TSEN54: variants seen among roughly 807,000 people sequenced by gnomAD.
TSEN54 encodes tRNA-splicing endonuclease subunit Sen54.
TSEN54 carries 55 observed loss-of-function variants against 61.9 expected under a neutral mutation model. The ratio of observed to expected loss-of-function variants is 0.89; its 90% CI spans 0.72 to 1.11. The LOEUF (loss-of-function observed/expected upper bound fraction) is 1.11. Ranked by LOEUF, TSEN54 falls within the 50% of genes most tolerant of loss-of-function variation. TSEN54 has a pLI of 0.00. For missense variants in TSEN54, 760 were observed against 687.7 expected (o/e 1.11, Z -1.18); for synonymous variants, 304 against 288.7 (o/e 1.05, Z -0.54).
chr17:75,516,837 G>A lies in TSEN54; in HGVS notation c.148G>A (p.Ala50Thr). The A allele has an allele frequency of 1.9e-6, 3 of 1,587,762 alleles. No individual in the cohort carries two copies. Among genetic ancestry groups the A allele is most frequent in the Middle Eastern group, 1.7e-4 (1 of 6,012 alleles). The change falls in exon 2 of 11, where the codon GCT (alanine) becomes ACT (threonine). Residue 50 changes from alanine to threonine, a missense_variant. By Grantham distance (58) the Ala-to-Thr change is moderately conservative (BLOSUM62 0). Transcript: ENST00000333213. ...GGACTTTCTGCCCGACGGCTCGGCA[G>A]CTCAGGCCGAGCGGCTGCGCCGGTG... is the stretch of plus-strand genomic sequence containing the variant. The part of the protein sequence containing the change: ...PKDFLPDGSA[A>T]QAERLRRCRE...
intron 2 of TSEN54, 45 bp from the exon 3 acceptor site, chr17:75,516,964 G>A: frequency 1.3e-6 from 2 of 1,548,270 alleles, no homozygotes; most frequent in Non-Finnish European, 1.7e-6. Flanking sequence ...GGGCCGCGGG[G>A]TCTCCGGAAT....
chr17:75,520,467 T>C (rs1266755612), intron 6 of TSEN54, among the ~76,000 whole-genome samples: 1 of 147,132 alleles, frequency 6.8e-6, no homozygotes, highest in Non-Finnish European at 1.5e-5. Flanking sequence ...GCGCCTATAG[T>C]CCCAGCTATT....
Position 75,522,102 on chromosome 17 carries a change from C to A in TSEN54, c.1021C>A (p.Leu341Met), listed in dbSNP as rs867700810. 1 of 1,582,444 alleles carries A rather than the reference C, an allele frequency of 6.3e-7. No homozygotes were observed. Among genetic ancestry groups the A allele is most frequent in the African/African-American group, 1.3e-5 (1 of 74,140 alleles). ...AGACGCTGAGTCCTGGTGCCAGAAG[C>A]TGAACCAGCGCAAGGAGAAGCTCTC... is the stretch of plus-strand genomic sequence containing the variant. ...ETDAESWCQK[L>M]NQRKEKLSRR... is the part of the protein sequence containing the mutation. Residue 341 changes from leucine (L) to methionine (M), a missense_variant, in exon 8 of 11, where the codon CTG becomes ATG. Transcript: ENST00000333213.
At chr17:75,520,848 C>T (rs538957186) in intron 6 of TSEN54, among the ~76,000 whole-genome samples, 15 of 151,196 alleles carry the variant, frequency 9.9e-5, no homozygotes, top group Non-Finnish European at 1.8e-4. Flanking sequence ...CGGTACTACT[C>T]GGGATGCTGA....
Position 75,517,411 on chromosome 17 carries a change from T to G in TSEN54, c.370-146T>G, listed in dbSNP as rs372425625. ...GAGCAGGGATTCCAGTCCACATTAGTGATGCTGCCCCACTTTCCTGGTTGG... is the reference window on the plus strand; with the variant it reads ...GAGCAGGGATTCCAGTCCACATTAGGGATGCTGCCCCACTTTCCTGGTTGG... On this transcript the variant is annotated intron_variant, in intron 4 of 10. Transcript: ENST00000333213. 9 of 1,133,598 alleles carry G rather than the reference T, an allele frequency of 7.9e-6. No homozygotes were observed. In the African/African-American group the frequency reaches 1.1e-4, roughly 13 times the overall value. The allele number at this position is 1,133,598 out of a possible 1,614,324, so 70.2% of individuals were successfully genotyped here. A position where few individuals can be genotyped will look rare whatever the true frequency, so the allele number is the denominator to read the frequency against.
chr17:75,516,581 C>G lies in TSEN54; in HGVS notation c.21C>G (p.Pro7=), dbSNP rs1598473098. Residue 7 remains proline (P), a synonymous_variant, in exon 1 of 11, where the codon CCC becomes CCG. Transcript: ENST00000333213. MEPEPE[P]AAVEVPAGRV... is the part of the protein sequence containing the mutation. ...GCGGGATGGAGCCCGAGCCCGAGCCCGCGGCCGTGGAGGTTCCCGCGGGGC... is the reference window on the plus strand; with the variant it reads ...GCGGGATGGAGCCCGAGCCCGAGCCGGCGGCCGTGGAGGTTCCCGCGGGGC... 1 of 1,156,412 alleles carries G rather than the reference C, an allele frequency of 8.6e-7. No homozygotes were observed. Among genetic ancestry groups the G allele is most frequent in the Admixed American group, 4.8e-5 (1 of 20,938 alleles). The allele number at this position is 1,156,412 out of a possible 1,614,324, so 71.6% of individuals were successfully genotyped here.
rs769009795 is a variant in TSEN54, at chr17:75,524,509, C to G, written c.*97C>G. ...CTGCCTCCTGTACCCAGACTCTAACCTGTAGCTTCAGAGGCCAGTCTGGGC... is the reference window on the plus strand; with the variant it reads ...CTGCCTCCTGTACCCAGACTCTAACGTGTAGCTTCAGAGGCCAGTCTGGGC... On this transcript the variant is annotated 3_prime_UTR_variant, in exon 11 of 11. Coordinates refer to ENST00000333213, the MANE Select transcript of TSEN54 (RefSeq NM_207346.3). 2.7e-5 allele frequency: 40 copies of G among 1,503,834 alleles called. No homozygotes were observed. The highest frequency in any genetic ancestry group is 3.4e-5 in the Non-Finnish European group (37 of 1,090,162). 93.2% of individuals were successfully genotyped at this position (1,503,834 alleles called of 1,614,324 possible). A position where few individuals can be genotyped will look rare whatever the true frequency, so the allele number is the denominator to read the frequency against.
chr17:75,523,422 C>T, intron 9 of TSEN54, 87 bp downstream of exon 9: 12 of 1,610,734 alleles, frequency 7.5e-6, no homozygotes, highest in Non-Finnish European at 1.0e-5. Context: ...AGGGTGTAAA[C>T]TAGAGGACTG....
At position 75,517,569 on chromosome 17, in the gene TSEN54, C is replaced by T. The variant is rs1409810864; in HGVS notation, c.382C>T (p.Leu128Phe). The change falls in exon 5 of 11, where the codon CTC becomes TTC. Residue 128 changes from leucine to phenylalanine, a missense_variant. Physicochemically the swap from Leu to Phe is conservative, Grantham distance 22. Coordinates refer to ENST00000333213, the MANE Select transcript of TSEN54 (RefSeq NM_207346.3). ...LYLLECGSIH[L>F]FHQDLPLSIQ... is the part of the protein sequence containing the mutation. ...GCCCCACTTCCAGGGCTCCATCCACCTCTTCCACCAAGACCTGCCACTGTC... is the reference window on the plus strand; with the variant it reads ...GCCCCACTTCCAGGGCTCCATCCACTTCTTCCACCAAGACCTGCCACTGTC... 20 of 1,613,730 alleles carry T rather than the reference C, an allele frequency of 1.2e-5. No individual in the cohort carries two copies. The highest frequency in any genetic ancestry group is 1.5e-5 in the Non-Finnish European group (18 of 1,180,010).
rs1364229464 is a variant in TSEN54, at chr17:75,524,275, G to C, written c.1444G>C (p.Val482Leu). Residue 482 changes from valine to leucine, a missense_variant, in exon 11 of 11, where the codon GTC (valine) becomes CTC (leucine). Physicochemically the swap from Val to Leu is conservative, Grantham distance 32 (BLOSUM62 1). Coordinates refer to ENST00000333213, the MANE Select transcript of TSEN54 (RefSeq NM_207346.3). ...RMCISGFDEPVPDLCSLKRLS... is the reference protein window; with the variant it reads ...RMCISGFDEPLPDLCSLKRLS... ...TTGTCCCTGCAGATTTGATGAGCCT[G>C]TCCCAGACCTCTGCAGCCTCAAGCG... 2.5e-6 allele frequency: 4 copies of C among 1,614,190 alleles called. No individual in the cohort carries two copies.
intron 2 of TSEN54, 45 bp downstream of exon 2, chr17:75,516,955 G>A: frequency 6.5e-7 from 1 of 1,544,614 alleles, no homozygotes; most frequent in Non-Finnish European, 8.7e-7. Flanking sequence ...GGGCGAGGCG[G>A]GCCGCGGGGT....
Position 75,524,605 on chromosome 17 carries a change from A to G in TSEN54, c.*193A>G, listed in dbSNP as rs1384023981. The G allele has an allele frequency of 1.3e-6, 1 of 746,534 alleles. No homozygotes were observed. Among genetic ancestry groups the G allele is most frequent in the Admixed American group, 2.0e-5 (1 of 49,384 alleles). The allele number at this position is 746,534 out of a possible 1,614,324, so 46.2% of individuals were successfully genotyped here. A position where few individuals can be genotyped will look rare whatever the true frequency, so the allele number is the denominator to read the frequency against. On this transcript the variant is annotated 3_prime_UTR_variant, in exon 11 of 11. Transcript: ENST00000333213. ...CTCCCTTCCCTGCTGCCTTGCAGTG[A>G]CCCCTCTGGAACTCAGGACTCGATT...
chr17:75,522,158 C>A lies in TSEN54; in HGVS notation c.1077C>A (p.Ala359=). The A allele has an allele frequency of 6.4e-7, 1 of 1,554,898 alleles. No homozygotes were observed. Among genetic ancestry groups the A allele is most frequent in the Non-Finnish European group, 8.7e-7 (1 of 1,147,762 alleles). The change falls in exon 8 of 11, where the codon GCC becomes GCA. Residue 359 remains alanine, a synonymous_variant. Transcript: ENST00000333213. ...SRREREHHAE[A]AQFQEDVNAD... ...GGGAACGGGAGCACCACGCGGAGGC[C>A]GCGCAGTTCCAGGAAGATGTCAACG... is the stretch of plus-strand genomic sequence containing the variant.
chr17:75,523,448 C>T (rs932702512), intron 9 of TSEN54, 113 bp downstream of exon 9: 67 of 1,605,290 alleles, frequency 4.2e-5, no homozygotes, highest in Non-Finnish European at 1.4e-5. Flanking sequence ...GGGACTCCTA[C>T]CCCTACGCCT....
chr17:75,519,965 T>G (rs1198368664), intron 6 of TSEN54, among the ~76,000 whole-genome samples: 1 of 152,140 alleles, frequency 6.6e-6, no homozygotes, highest in Non-Finnish European at 1.5e-5. Context: ...TCAACGATAT[T>G]TATTATTTGC....
chr17:75,521,021 T>C (rs1395389142), intron 6 of TSEN54, among the ~76,000 whole-genome samples: 2 of 151,796 alleles, frequency 1.3e-5, no homozygotes, highest in Non-Finnish European at 2.9e-5. Context: ...GACGGGGCTG[T>C]GTCCACAATA....
At chr17:75,523,489 G>A in intron 9 of TSEN54, 154 bp downstream of exon 9, 1 of 1,596,190 alleles carries the variant, frequency 6.3e-7, no homozygotes, top group Non-Finnish European at 8.5e-7. Flanking sequence ...GTTCGTGTGT[G>A]TCTAGGGAAG....
chr17:75,522,024 C>A lies in TSEN54; in HGVS notation c.943C>A (p.Leu315Met). The part of the protein sequence containing the change: ...NMASDSRHTL[L>M]RAPAPELLPA... ...GGCTTCAGACAGCCGCCACACCCTT[C>A]TGCGCGCCCCAGCCCCAGAGCTGCT... Residue 315 changes from leucine to methionine, a missense_variant, in exon 8 of 11, where the codon CTG (leucine) becomes ATG (methionine). By Grantham distance (15) the Leu-to-Met change is conservative (BLOSUM62 2). Coordinates refer to ENST00000333213, the MANE Select transcript of TSEN54 (RefSeq NM_207346.3). 2 of 1,595,510 alleles carry A rather than the reference C, an allele frequency of 1.3e-6. No homozygotes were observed. The highest frequency in any genetic ancestry group is 1.7e-6 in the Non-Finnish European group (2 of 1,171,860).
At position 75,516,623 on chromosome 17, in the gene TSEN54, C is replaced by T. The variant is rs2053368956; in HGVS notation, c.56+7C>T. 2.5e-6 allele frequency: 3 copies of T among 1,195,448 alleles called. No homozygotes were observed. Among genetic ancestry groups the T allele is most frequent in the East Asian group, 3.6e-5 (1 of 27,434 alleles). The allele number at this position is 1,195,448 out of a possible 1,614,324, so 74.1% of individuals were successfully genotyped here. A position where few individuals can be genotyped will look rare whatever the true frequency, so the allele number is the denominator to read the frequency against. On this transcript the variant is annotated splice_region_variant and intron_variant, in intron 1 of 10. Coordinates refer to ENST00000333213, the MANE Select transcript of TSEN54 (RefSeq NM_207346.3). ...CCGCGGGGCGCGTGCTCAGGTGCGG[C>T]GCGGCCCGGCCGGAGTGGGTGTCGG...
Sources: gnomAD v4.1 joint callset for allele counts (sites outside exome capture counted in the v4.1 genomes callset) on GRCh38, gnomAD v4.1.1 for gene constraint, MANE v1.5 for transcripts, NCBI Gene and HGNC (gene_info 2026-07-23, HGNC 2026-07-21) for gene names.